GARNL3: variants seen among roughly 807,000 people sequenced by gnomAD.
GARNL3 encodes the protein GTPase-activating Rap/Ran-GAP domain-like protein 3.
Under a neutral mutation model 125.0 loss-of-function variants are expected in GARNL3, and 63 were observed. That is an observed-to-expected ratio of 0.50 (90% CI 0.41 to 0.62). GARNL3 has a LOEUF of 0.62. Among genes scored for constraint, GARNL3 ranks in the 20% least tolerant of loss-of-function variants. The pLI is 0.00. For missense variants in GARNL3, 994 were observed against 1,244.0 expected, an observed-to-expected ratio of 0.80 and a Z score of 3.02; for synonymous variants, 439 against 457.5, an observed-to-expected ratio of 0.96 and a Z score of 0.52.
chr9:127,276,750 C>A (rs1195689196), intron 1 of GARNL3, among the ~76,000 whole-genome samples: 1 of 152,256 alleles, frequency 6.6e-6, no homozygotes, highest in Non-Finnish European at 1.5e-5. Flanking sequence ...ATGTCCCAGT[C>A]TCTTACCAAA....
intron 7 of GARNL3, among the ~76,000 whole-genome samples, chr9:127,328,367 T>A (rs1829015346): frequency 6.6e-6 from 1 of 152,192 alleles, no homozygotes; most frequent in African/African-American, 2.4e-5. Flanking sequence ...TGGGATAAAT[T>A]GGGAGCATTT....
intron 1 of GARNL3, among the ~76,000 whole-genome samples, chr9:127,239,319 GA>G (rs1183931888): frequency 1.3e-5 from 2 of 152,106 alleles, no homozygotes; most frequent in African/African-American, 4.8e-5. Context: ...CTGGGACAGT[GA>G]AAAAAACAAA....
At chr9:127,336,838 G>A (rs950538965) in intron 11 of GARNL3, among the ~76,000 whole-genome samples, 2 of 152,254 alleles carry the variant, frequency 1.3e-5, no homozygotes, top group Non-Finnish European at 2.9e-5. Context: ...CAGACACTCA[G>A]TTGTGGCCCT....
In GARNL3 at chr9:127,325,773, A is replaced by G. The variant is rs775992055; in HGVS notation, c.594+678A>G. Among the ~76,000 whole-genome samples the G allele has an allele frequency of 3.9e-4, 59 of 152,284 alleles. No homozygotes were observed. In the Middle Eastern group the frequency reaches 0.01, roughly 26 times the overall value. On this transcript the variant is annotated intron_variant, in intron 7 of 27. Transcript: ENST00000373387. ...CTACCACAACCACTCTGGTGTGGGGATGCCACCCCATCCTCTCTTGCCTGG... is the reference window on the plus strand; with the variant it reads ...CTACCACAACCACTCTGGTGTGGGGGTGCCACCCCATCCTCTCTTGCCTGG...
intron 1 of GARNL3, among the ~76,000 whole-genome samples, chr9:127,268,867 T>C (rs1408777964): frequency 2.6e-5 from 4 of 152,338 alleles, no homozygotes; most frequent in African/African-American, 9.6e-5. Flanking sequence ...TTGTATCTGG[T>C]TTTATTTCTC....
intron 1 of GARNL3, among the ~76,000 whole-genome samples, chr9:127,227,473 C>G (rs2062933219): frequency 6.6e-6 from 1 of 151,806 alleles, no homozygotes; most frequent in Admixed American, 6.6e-5. Context: ...TGGTGGTAGG[C>G]GCCTGTAATC....
At chr9:127,239,425 C>G (rs564069420) in intron 1 of GARNL3, among the ~76,000 whole-genome samples, 1 of 152,324 alleles carries the variant, frequency 6.6e-6, no homozygotes, top group East Asian at 1.9e-4. Flanking sequence ...GGTCATTTCC[C>G]TCACATTACG....
chr9:127,355,260 A>C (rs1034382957), intron 19 of GARNL3, 37 bp from the exon 20 acceptor site: 5 of 1,592,912 alleles, frequency 3.1e-6, no homozygotes, highest in Admixed American at 3.3e-5. Flanking sequence ...CCACACCCGC[A>C]TGTCATGTGT....
chr9:127,336,247 C>G lies in GARNL3; in HGVS notation c.982+11C>G. On this transcript the variant is annotated intron_variant, in intron 11 of 27. Transcript: ENST00000373387. ...GCTCCCACTTTACACGTATCCTGGG[C>G]CTTTGTAAATGCTCCAGTGTGGCAA... The G allele has an allele frequency of 6.3e-7, 1 of 1,586,636 alleles. No individual in the cohort carries two copies. Among genetic ancestry groups the G allele is most frequent in the Non-Finnish European group, 8.7e-7 (1 of 1,155,764 alleles).
rs1477947772 is a variant in GARNL3 at position 127,280,654 on chromosome 9, A to G, written c.145-10514A>G. On this transcript the variant is annotated intron_variant, in intron 1 of 27. Transcript: ENST00000373387. The surrounding 1 kb of genome is among the most constrained non-coding windows in gnomAD (Gnocchi z 4.5). ...TAGAATTGCCAATCATTCCTTCTTA[A>G]TATTCAAAGGAGTTGTCATCATTTG... 6.6e-6 allele frequency among the ~76,000 whole-genome samples: 1 copy of G among 152,200 alleles called. No individual in the cohort carries two copies. Among genetic ancestry groups the G allele is most frequent in the Non-Finnish European group, 1.5e-5 (1 of 68,040 alleles).
At chr9:127,292,933 T>A (rs1047458383) in intron 2 of GARNL3, among the ~76,000 whole-genome samples, 2 of 152,110 alleles carry the variant, frequency 1.3e-5, no homozygotes, top group Non-Finnish European at 2.9e-5. Context: ...TTTGGGGGAG[T>A]TACTGATTTC....
At chr9:127,380,118 A>C (rs1174440825) in intron 22 of GARNL3, among the ~76,000 whole-genome samples, 1 of 151,896 alleles carries the variant, frequency 6.6e-6, no homozygotes, top group African/African-American at 2.4e-5. Flanking sequence ...GGCAGAACCC[A>C]AGAGGCATAG....
intron 22 of GARNL3, among the ~76,000 whole-genome samples, chr9:127,374,939 CT>C (rs913248630): frequency 1.3e-5 from 2 of 148,910 alleles, no homozygotes; most frequent in African/African-American, 4.9e-5. Context: ...CAAAGAAAAA[CT>C]TTTTTAAAAA....
Position 127,390,656 on chromosome 9 carries a change from G to A in GARNL3, c.2759G>A (p.Gly920Asp). 1 of 1,613,948 alleles carries A rather than the reference G, an allele frequency of 6.2e-7. No homozygotes were observed. Among genetic ancestry groups the A allele is most frequent in the Non-Finnish European group, 8.5e-7 (1 of 1,179,892 alleles). The change falls in exon 27 of 28, where the codon GGT (glycine) becomes GAT (aspartate). Residue 920 changes from glycine to aspartate, a missense_variant. Around this residue, in one of 5 missense-constraint regions of GARNL3, gnomAD observed 728 missense variants for 865.7 expected, o/e 0.84. Transcript: ENST00000373387. ...CTCAATCCAGGCCTCTCGGATGAAG[G>A]TGGACCCAAGTCAGAAGGAGCGCCA... is the stretch of plus-strand genomic sequence containing the variant. ...RRELLGLSDEGGPKSEGAPKA... is the reference protein window; with the variant it reads ...RRELLGLSDEDGPKSEGAPKA...
Position 127,244,970 on chromosome 9 carries a change from C to T in GARNL3, c.143+1721C>T, listed in dbSNP as rs368826350. ...TGGACCCGGTAGTCTCGCGGGTCCT[C>T]GGTGACCCCAGCGCACTGCAGAGGA... On this transcript the variant is annotated intron_variant, in intron 2 of 10. Coordinates refer to the GARNL3 transcript ENST00000439286. Among the ~76,000 whole-genome samples the T allele has an allele frequency of 5.9e-5, 9 of 152,266 alleles. No homozygotes were observed. The East Asian group carries it at 1.2e-3, about 20-fold the overall frequency.
intron 2 of GARNL3, among the ~76,000 whole-genome samples, chr9:127,292,377 G>A (rs1389806944): frequency 6.6e-6 from 1 of 152,074 alleles, no homozygotes; most frequent in East Asian, 1.9e-4. Context: ...CTGGCCCCTG[G>A]GACTAGATAG....
rs893477168 is a variant in GARNL3 at position 127,377,922 on chromosome 9, T to C, written c.2162-5516T>C. On this transcript the variant is annotated intron_variant, in intron 22 of 27. Transcript: ENST00000373387. ...GAGAAACAGCAAACTGGGGAAAATATGTGTGAGTTTCCAAAAGGGCCAATA... is the reference window on the plus strand; with the variant it reads ...GAGAAACAGCAAACTGGGGAAAATACGTGTGAGTTTCCAAAAGGGCCAATA... 2.6e-5 allele frequency among the ~76,000 whole-genome samples: 4 copies of C among 151,488 alleles called. No homozygotes were observed. In the South Asian group the frequency reaches 6.2e-4, roughly 24 times the overall value.
chr9:127,238,223 G>A (rs920926457), intron 1 of GARNL3, among the ~76,000 whole-genome samples: 23 of 152,076 alleles, frequency 1.5e-4, no homozygotes, highest in African/African-American at 5.6e-4. Context: ...TCCTGACCTC[G>A]TGATCCGCCC....
intron 2 of GARNL3, among the ~76,000 whole-genome samples, chr9:127,293,453 T>C (rs186671088): frequency 9.2e-5 from 14 of 152,348 alleles, no homozygotes; most frequent in African/African-American, 3.4e-4. Context: ...CACAAAAGCT[T>C]TAAGATTAGA....
Sources: gnomAD v4.1 joint callset for allele counts (sites outside exome capture counted in the v4.1 genomes callset) on GRCh38, gnomAD v4.1.1 for gene constraint, gnomAD v4.1.1 regional missense constraint, Gnocchi (gnomAD v3.1) non-coding constraint, MANE v1.5 for transcripts, NCBI Gene and HGNC (gene_info 2026-07-23, HGNC 2026-07-21) for gene names.